The following SMG8 variants were observed in gnomAD, a reference collection of about 807,000 sequenced individuals.
SMG8 encodes the protein nonsense-mediated mRNA decay factor SMG8.
SMG8 carries 49 observed loss-of-function variants against 82.1 expected under a neutral mutation model. The ratio of observed to expected loss-of-function variants is 0.60; its 90% CI spans 0.47 to 0.76. The LOEUF (loss-of-function observed/expected upper bound fraction) is 0.76. SMG8 is among the 30% of genes least tolerant of loss of function. The pLI is 0.00. For missense variants in SMG8, 969 were observed against 1,166.4 expected (o/e 0.83, Z 2.46); for synonymous variants, 404 against 430.0 (o/e 0.94, Z 0.75).
intron 1 of SMG8, 82 bp from the exon 2 acceptor site, chr17:59,212,259 T>G: frequency 3.4e-6 from 4 of 1,185,140 alleles, no homozygotes; most frequent in Non-Finnish European, 4.6e-6. Flanking sequence ...AGGTTTTTGT[T>G]TGTGGGGTTA....
At position 59,210,570 on chromosome 17, in the gene SMG8, A is replaced by G; in HGVS notation, c.519A>G (p.Glu173=). The G allele has an allele frequency of 6.3e-7, 1 of 1,577,472 alleles. No homozygotes were observed. Among genetic ancestry groups the G allele is most frequent in the Non-Finnish European group, 8.6e-7 (1 of 1,164,232 alleles). The change falls in exon 1 of 4, where the codon GAA becomes GAG. Residue 173 remains glutamate (E), a synonymous_variant. Coordinates refer to ENST00000300917, the MANE Select transcript of SMG8 (RefSeq NM_018149.7). ...LRACRALQSG[E]AGGGLSLPHA... ...CTTGTCGGGCTCTTCAGAGCGGGGA[A>G]GCTGGAGGTGGACTCTCTTTACCTC...
rs2046961599 is a variant in SMG8, at chr17:59,215,033, G to A, written c.*31G>A. On this transcript the variant is annotated 3_prime_UTR_variant, in exon 4 of 4. Coordinates refer to ENST00000300917, the MANE Select transcript of SMG8 (RefSeq NM_018149.7). ...TTCCAGCCAGTTCAATCCTATACTT[G>A]AGCTGGTTTTTGTTTTTGGTATTTG... 2.3e-6 allele frequency: 2 copies of A among 859,566 alleles called. No individual in the cohort carries two copies. The highest frequency in any genetic ancestry group is 4.1e-6 in the Non-Finnish European group (2 of 492,854). The allele number at this position is 859,566 out of a possible 1,614,324, so 53.2% of individuals were successfully genotyped here. A position where few individuals can be genotyped will look rare whatever the true frequency, so the allele number is the denominator to read the frequency against.
At position 59,210,041 on chromosome 17, in the gene SMG8, C is replaced by G. The variant is rs755739150; in HGVS notation, c.-11C>G. The G allele has an allele frequency of 6.6e-7, 1 of 1,504,366 alleles. No homozygotes were observed. The highest frequency in any genetic ancestry group is 8.8e-7 in the Non-Finnish European group (1 of 1,131,184). 93.2% of individuals were successfully genotyped at this position (1,504,366 alleles called of 1,614,324 possible). A position where few individuals can be genotyped will look rare whatever the true frequency, so the allele number is the denominator to read the frequency against. ...AACGGACCGGAAGGACTCTAGAGAA[C>G]GCTCTGCACTATGGCTGGTCCCGTG... On this transcript the variant is annotated 5_prime_UTR_variant, in exon 1 of 4. Transcript: ENST00000300917.
In SMG8 at chr17:59,212,226, CTTCTG is replaced by C. The variant is rs985397610; in HGVS notation, c.1760-112_1760-108del. ...GTATTTTATATACTTTCACTTGCTT[CTTCTG>C]TTATGTGTATTTAGGTAAGGTTTTT... On this transcript the variant is annotated intron_variant, in intron 1 of 3. Coordinates refer to ENST00000300917, the MANE Select transcript of SMG8 (RefSeq NM_018149.7). The C allele has an allele frequency of 1.3e-4, 95 of 740,770 alleles. No homozygotes were observed. In the African/African-American group the frequency reaches 1.4e-3, roughly 11 times the overall value. The allele number at this position is 740,770 out of a possible 1,614,324, so 45.9% of individuals were successfully genotyped here. A position where few individuals can be genotyped will look rare whatever the true frequency, so the allele number is the denominator to read the frequency against.
Position 59,211,688 on chromosome 17 carries a change from A to G in SMG8, c.1637A>G (p.Lys546Arg). ...SQHARGPAFH[K>R]YAMQLHEDCY... Reference sequence around the variant, plus strand: ...CATGCTAGAGGTCCAGCATTTCACAAATACGCCATGCAGTTACATGAGGAC... The same window carrying G: ...CATGCTAGAGGTCCAGCATTTCACAGATACGCCATGCAGTTACATGAGGAC... The change falls in exon 1 of 4, where the codon AAA (lysine) becomes AGA (arginine). Residue 546 changes from lysine (K) to arginine (R), a missense_variant. By Grantham distance (26) the Lys-to-Arg change is conservative (BLOSUM62 2). Coordinates refer to ENST00000300917, the MANE Select transcript of SMG8 (RefSeq NM_018149.7). The G allele has an allele frequency of 6.2e-7, 1 of 1,614,092 alleles. No individual in the cohort carries two copies.
Position 59,213,229 on chromosome 17 carries a change from C to G in SMG8, c.2406C>G (p.Ile802Met), listed in dbSNP as rs768784936. Residue 802 changes from isoleucine (I) to methionine (M), a missense_variant, in exon 3 of 4, where the codon ATC becomes ATG. By Grantham distance (10) the Ile-to-Met change is conservative. Coordinates refer to ENST00000300917, the MANE Select transcript of SMG8 (RefSeq NM_018149.7). ...TNYLMPWDIV[I>M]RTRAEDEGDL... ...ATCTTATGCCTTGGGACATTGTCAT[C>G]AGGACTAGAGCTGAAGATGAAGGAG... 1.2e-6 allele frequency: 2 copies of G among 1,614,066 alleles called. No homozygotes were observed. The highest frequency in any genetic ancestry group is 1.7e-6 in the Non-Finnish European group (2 of 1,180,052).
intron 2 of SMG8, 35 bp downstream of exon 2, chr17:59,212,521 CTT>C (rs1292332992): frequency 1.3e-6 from 2 of 1,578,464 alleles, no homozygotes; most frequent in South Asian, 1.1e-5. Flanking sequence ...CCTCTTCTGT[CTT>C]TTTTTGTTAA....
At chr17:59,214,442 G>T (rs1214050478) in intron 3 of SMG8, among the ~76,000 whole-genome samples, 1 of 151,694 alleles carries the variant, frequency 6.6e-6, no homozygotes, top group African/African-American at 2.4e-5. Context: ...AGACAGTCTC[G>T]CTCTGTTGCA....
At chr17:59,213,654 G>GT in intron 3 of SMG8, 53 bp downstream of exon 3, 1 of 1,526,634 alleles carries the variant, frequency 6.6e-7, no homozygotes, top group Non-Finnish European at 8.8e-7. Context: ...GCTGATGTTT[G>GT]TTTTGATTGA....
Position 59,212,942 on chromosome 17 carries a change from G to C in SMG8, c.2119G>C (p.Gly707Arg), listed in dbSNP as rs758087296. ...TTTGGGCCAATCCACAGATAGCTTA[G>C]GTACCTATCCAGCTGATCCACAAGC... ...LSLGQSTDSL[G>R]TYPADPQAGG... The change falls in exon 3 of 4, where the codon GGT (glycine) becomes CGT (arginine). Residue 707 changes from glycine (G) to arginine (R), a missense_variant. Physicochemically the swap from Gly to Arg is moderately radical, Grantham distance 125. This residue lies in a region of SMG8 where 662 missense variants were observed against 884.8 expected (regional missense o/e 0.75). Coordinates refer to ENST00000300917, the MANE Select transcript of SMG8 (RefSeq NM_018149.7). The C allele has an allele frequency of 1.2e-6, 2 of 1,614,144 alleles. No homozygotes were observed. Among genetic ancestry groups the C allele is most frequent in the Non-Finnish European group, 1.7e-6 (2 of 1,180,026 alleles).
rs760298104 is a variant in SMG8, at chr17:59,213,387, G to A, written c.2564G>A (p.Arg855Gln). 1.1e-5 allele frequency: 17 copies of A among 1,614,032 alleles called. No individual in the cohort carries two copies. The highest frequency in any genetic ancestry group is 2.2e-5 in the East Asian group (1 of 44,898). ...AFVGFEYEDS[R>Q]GRRFMCSGPD... ...GTGGGCTTTGAATATGAAGACTCTC[G>A]AGGTCGGAGATTCATGTGCTCTGGG... Residue 855 changes from arginine (R) to glutamine (Q), a missense_variant, in exon 3 of 4, where the codon CGA (arginine) becomes CAA (glutamine). Physicochemically the swap from Arg to Gln is conservative, Grantham distance 43. Around this residue, in one of 3 missense-constraint regions of SMG8, gnomAD observed 662 missense variants for 884.8 expected, o/e 0.75. Coordinates refer to ENST00000300917, the MANE Select transcript of SMG8 (RefSeq NM_018149.7).
In SMG8 at chr17:59,210,483, G is replaced by A. The variant is rs62081948; in HGVS notation, c.432G>A (p.Gln144=). Residue 144 remains glutamine (Q), a synonymous_variant, in exon 1 of 4, where the codon CAG becomes CAA. Coordinates refer to ENST00000300917, the MANE Select transcript of SMG8 (RefSeq NM_018149.7). ...GCCTTCTGCAGGCCTACTACAGTCAGGAAAGCAAAGTTCTGTATCTTCTCC... is the reference window on the plus strand; with the variant it reads ...GCCTTCTGCAGGCCTACTACAGTCAAGAAAGCAAAGTTCTGTATCTTCTCC... ...DYSLLQAYYS[Q]ESKVLYLLLT... 964 of 1,580,938 alleles carry A rather than the reference G, an allele frequency of 6.1e-4. No homozygotes were observed. The highest frequency in any genetic ancestry group is 7.7e-4 in the Non-Finnish European group (896 of 1,167,582).
Position 59,210,323 on chromosome 17 carries a change from G to A in SMG8, c.272G>A (p.Gly91Glu). 2 of 1,612,982 alleles carry A rather than the reference G, an allele frequency of 1.2e-6. No individual in the cohort carries two copies. The highest frequency in any genetic ancestry group is 1.7e-6 in the Non-Finnish European group (2 of 1,179,690). Reference sequence around the variant, plus strand: ...CAAGATCCTGGGGATCCAGGACCTGGAATCAGAACTGAGGCTGGCGCCGTG... The same window carrying A: ...CAAGATCCTGGGGATCCAGGACCTGAAATCAGAACTGAGGCTGGCGCCGTG... ...RHQDPGDPGP[G>E]IRTEAGAVGE... is the part of the protein sequence containing the mutation. Residue 91 changes from glycine (G) to glutamate (E), a missense_variant, in exon 1 of 4, where the codon GGA becomes GAA. By Grantham distance (98) the Gly-to-Glu change is moderately conservative. Around this residue, in one of 3 missense-constraint regions of SMG8, gnomAD observed 206 missense variants for 190.5 expected, o/e 1.08. Coordinates refer to ENST00000300917, the MANE Select transcript of SMG8 (RefSeq NM_018149.7).
intron 3 of SMG8, 68 bp downstream of exon 3, chr17:59,213,669 A>T (rs763580293): frequency 6.6e-7 from 1 of 1,510,760 alleles, no homozygotes; most frequent in Non-Finnish European, 8.8e-7. Context: ...GATTGATTTT[A>T]AAAAGTACAA....
At chr17:59,214,639 C>G (rs543910732) in intron 3 of SMG8, among the ~76,000 whole-genome samples, 166 bp from the exon 4 acceptor site, 1 of 152,254 alleles carries the variant, frequency 6.6e-6, no homozygotes, top group African/African-American at 2.4e-5. Flanking sequence ...GAACTCCTGA[C>G]CTCGTGATTC....
At position 59,213,414 on chromosome 17, in the gene SMG8, C is replaced by G. The variant is rs1316707967; in HGVS notation, c.2591C>G (p.Pro864Arg). 1 of 1,614,072 alleles carries G rather than the reference C, an allele frequency of 6.2e-7. No homozygotes were observed. Among genetic ancestry groups the G allele is most frequent in the Non-Finnish European group, 8.5e-7 (1 of 1,180,022 alleles). Residue 864 changes from proline (P) to arginine (R), a missense_variant, in exon 3 of 4, where the codon CCT (proline) becomes CGT (arginine). Physicochemically the swap from Pro to Arg is moderately radical, Grantham distance 103 (BLOSUM62 -2). Around this residue, in one of 3 missense-constraint regions of SMG8, gnomAD observed 662 missense variants for 884.8 expected, o/e 0.75. Coordinates refer to ENST00000300917, the MANE Select transcript of SMG8 (RefSeq NM_018149.7). ...GGTCGGAGATTCATGTGCTCTGGGC[C>G]TGACAAAGTAATGAAAGTAATGGGA... ...SRGRRFMCSGPDKVMKVMGSG... is the reference protein window; with the variant it reads ...SRGRRFMCSGRDKVMKVMGSG...
Position 59,211,828 on chromosome 17 carries a change from A to G in SMG8, c.1759+18A>G. ...TAAATCAGGTAGCTAAAATTTGTTC[A>G]GCATTTTGAAATAAAAACTTTGAGC... On this transcript the variant is annotated intron_variant, in intron 1 of 3. Transcript: ENST00000300917. 2 of 1,503,554 alleles carry G rather than the reference A, an allele frequency of 1.3e-6. No homozygotes were observed. Among genetic ancestry groups the G allele is most frequent in the Non-Finnish European group, 1.8e-6 (2 of 1,133,592 alleles). The allele number at this position is 1,503,554 out of a possible 1,614,324, so 93.1% of individuals were successfully genotyped here. A position where few individuals can be genotyped will look rare whatever the true frequency, so the allele number is the denominator to read the frequency against.
chr17:59,210,302 A>T lies in SMG8; in HGVS notation c.251A>T (p.Asp84Val). Residue 84 changes from aspartate to valine, a missense_variant, in exon 1 of 4, where the codon GAT (aspartate) becomes GTT (valine). This residue lies in a region of SMG8 where 206 missense variants were observed against 190.5 expected (regional missense o/e 1.08). Transcript: ENST00000300917. ...RQVFPLFRHQ[D>V]PGDPGPGIRT... is the part of the protein sequence containing the mutation. ...GTCTTTCCTCTCTTTCGCCACCAAGATCCTGGGGATCCAGGACCTGGAATC... is the reference window on the plus strand; with the variant it reads ...GTCTTTCCTCTCTTTCGCCACCAAGTTCCTGGGGATCCAGGACCTGGAATC... 2 of 1,613,060 alleles carry T rather than the reference A, an allele frequency of 1.2e-6. No homozygotes were observed. Among genetic ancestry groups the T allele is most frequent in the South Asian group, 2.2e-5 (2 of 90,978 alleles).
chr17:59,212,444 T>C lies in SMG8; in HGVS notation c.1863T>C (p.Asp621=), dbSNP rs142548382. The stretch of plus-strand genomic sequence containing the variant: ...GTGGAAGGAAACAAGCACCTCGAGA[T>C]GATCCCTTTGATATCAAAGCAGCCA... ...CNCGRKQAPR[D]DPFDIKAANY... Residue 621 remains aspartate (D), a synonymous_variant, in exon 2 of 4, where the codon GAT becomes GAC. Transcript: ENST00000300917. The C allele has an allele frequency of 6.2e-7, 1 of 1,608,972 alleles. No homozygotes were observed.
Sources: gnomAD v4.1 joint callset for allele counts (sites outside exome capture counted in the v4.1 genomes callset) on GRCh38, gnomAD v4.1.1 for gene constraint, gnomAD v4.1.1 regional missense constraint, MANE v1.5 for transcripts, NCBI Gene and HGNC (gene_info 2026-07-23, HGNC 2026-07-21) for gene names.